The following TLN2 variants were observed in gnomAD, a reference collection of about 807,000 sequenced individuals.
The protein encoded by TLN2 is talin-2.
In TLN2, 118 loss-of-function variants were observed where a neutral mutation model predicts 294.7. That is an observed-to-expected ratio of 0.40 (90% CI 0.34 to 0.47). The LOEUF (loss-of-function observed/expected upper bound fraction) is 0.47. TLN2 is among the 20% of genes least tolerant of loss of function. TLN2 has a pLI of 0.84. For synonymous variants in TLN2, 1,431 were observed against 1,304.5 expected, an observed-to-expected ratio of 1.10 and a Z score of -2.09; for missense variants, 3,083 against 3,282.2, an observed-to-expected ratio of 0.94 and a Z score of 1.48.
intron 3 of TLN2, among the ~76,000 whole-genome samples, chr15:62,639,942 C>G (rs532874287): frequency 1.3e-5 from 2 of 152,292 alleles, no homozygotes; most frequent in South Asian, 4.1e-4. Flanking sequence ...ATAGCTGGCT[C>G]CCAGTGAAGG....
intron 1 of TLN2, among the ~76,000 whole-genome samples, chr15:62,522,941 T>TACACACAC (rs71129007): frequency 0.015 from 2,000 of 133,108 alleles, 16 homozygotes; most frequent in Non-Finnish European, 0.019. Flanking sequence ...GAATGTGGCT[T>TACACACAC]ACACACACAC....
intron 45 of TLN2, among the ~76,000 whole-genome samples, chr15:62,790,350 T>A (rs772540075): frequency 6.6e-6 from 1 of 152,108 alleles, no homozygotes; most frequent in Non-Finnish European, 1.5e-5. Context: ...AGAGGAAGGG[T>A]TCTGCTGCTA....
At chr15:62,522,746 C>T (rs2040523563) in intron 1 of TLN2, among the ~76,000 whole-genome samples, 1 of 151,976 alleles carries the variant, frequency 6.6e-6, no homozygotes, top group African/African-American at 2.4e-5. Flanking sequence ...CTGCAGCTGA[C>T]ATTTTGAGGA....
intron 57 of TLN2, among the ~76,000 whole-genome samples, chr15:62,838,422 G>C (rs561301777): frequency 1.3e-5 from 2 of 152,364 alleles, no homozygotes; most frequent in African/African-American, 2.4e-5. Context: ...GGTATGGGTA[G>C]AGCTAAGGGA....
chr15:62,660,131 C>T (rs79641184), intron 9 of TLN2, among the ~76,000 whole-genome samples: 5,378 of 152,148 alleles, frequency 0.035, 325 homozygotes, highest in African/African-American at 0.12. Flanking sequence ...ATTTCAGTTA[C>T]GTAGTTTCTG....
chr15:62,700,268 A>T (rs2141094353), intron 16 of TLN2, among the ~76,000 whole-genome samples: 2 of 152,354 alleles, frequency 1.3e-5, no homozygotes, highest in East Asian at 3.9e-4. Flanking sequence ...TGCTAGTCAC[A>T]TCCTGAACAT....
intron 1 of TLN2, among the ~76,000 whole-genome samples, chr15:62,567,522 G>A (rs371258165): frequency 3.3e-5 from 5 of 152,206 alleles, no homozygotes; most frequent in South Asian, 4.1e-4. Flanking sequence ...CCCCCAAGGC[G>A]ATGGCATTGC....
At chr15:62,468,907 G>A (rs2037307188) in intron 1 of TLN2, among the ~76,000 whole-genome samples, 1 of 152,168 alleles carries the variant, frequency 6.6e-6, no homozygotes, top group Non-Finnish European at 1.5e-5. Flanking sequence ...ATAAGGCCAG[G>A]GCCTGGCAGG....
At chr15:62,451,597 A>G (rs1040452064) in intron 1 of TLN2, among the ~76,000 whole-genome samples, 4 of 152,210 alleles carry the variant, frequency 2.6e-5, no homozygotes, top group Admixed American at 6.5e-5. Context: ...CGGAGGTTGC[A>G]GTGAGCCGAG....
At chr15:62,772,117 T>C (rs954076906) in intron 42 of TLN2, among the ~76,000 whole-genome samples, 4 of 152,142 alleles carry the variant, frequency 2.6e-5, no homozygotes, top group African/African-American at 9.7e-5. Context: ...TTTATTTACT[T>C]ATTTACTTAA....
At chr15:62,433,006 G>A (rs534733628) in intron 1 of TLN2, among the ~76,000 whole-genome samples, 34 of 152,100 alleles carry the variant, frequency 2.2e-4, no homozygotes, top group Non-Finnish European at 4.1e-4. Flanking sequence ...TATGCCACTT[G>A]GTTTCTATTT....
At chr15:62,469,392 T>A (rs1437393848) in intron 1 of TLN2, among the ~76,000 whole-genome samples, 4 of 152,178 alleles carry the variant, frequency 2.6e-5, no homozygotes, top group Non-Finnish European at 4.4e-5. Context: ...TTTGTGTGGA[T>A]TTATAAATTC....
intron 1 of TLN2, among the ~76,000 whole-genome samples, chr15:62,550,636 TG>T (rs967449197): frequency 1.3e-5 from 2 of 152,250 alleles, no homozygotes; most frequent in Non-Finnish European, 2.9e-5. Flanking sequence ...TAAGGATATT[TG>T]GGGGGTCACT....
At chr15:62,660,450 G>A (rs766054421) in intron 9 of TLN2, among the ~76,000 whole-genome samples, 22 of 152,226 alleles carry the variant, frequency 1.4e-4, no homozygotes, top group Non-Finnish European at 2.6e-4. Flanking sequence ...GAACAGTCAA[G>A]TGTGGGGAGC....
chr15:62,656,731 G>T (rs2053254410), intron 8 of TLN2, among the ~76,000 whole-genome samples: 1 of 152,030 alleles, frequency 6.6e-6, no homozygotes, highest in Non-Finnish European at 1.5e-5. Context: ...AATAATGTAG[G>T]GGTTGGCAAA....
intron 1 of TLN2, among the ~76,000 whole-genome samples, chr15:62,540,920 C>G (rs2041646933): frequency 6.6e-6 from 1 of 152,062 alleles, no homozygotes; most frequent in Non-Finnish European, 1.5e-5. Context: ...AGGTATTTCC[C>G]CAGTCCAACT....
intron 1 of TLN2, among the ~76,000 whole-genome samples, chr15:62,446,872 T>C (rs964934794): frequency 3.9e-5 from 6 of 152,184 alleles, no homozygotes; most frequent in African/African-American, 1.4e-4. Flanking sequence ...GAACACAAGA[T>C]TAAATAACCA....
chr15:62,753,645 G>T, intron 35 of TLN2, 128 bp from the exon 36 acceptor site: 1 of 1,129,964 alleles, frequency 8.8e-7, no homozygotes. Context: ...GGGATGAGAT[G>T]ACCTTGACCA....
At chr15:62,760,813 T>A (rs577759277) in intron 37 of TLN2, among the ~76,000 whole-genome samples, 2 of 152,328 alleles carry the variant, frequency 1.3e-5, no homozygotes, top group South Asian at 2.1e-4. Flanking sequence ...TGTTTTTTTT[T>A]AATTATGAAG....
Sources: allele counts gnomAD v4.1 joint callset (sites outside exome capture counted in the v4.1 genomes callset), GRCh38; gene constraint gnomAD v4.1.1; transcripts MANE v1.5; gene names NCBI Gene and HGNC (gene_info 2026-07-23, HGNC 2026-07-21).